The following SLC39A11 variants were observed in gnomAD, a reference collection of about 807,000 sequenced individuals.
SLC39A11 encodes the protein zinc transporter ZIP11.
A neutral mutation model predicts 36.1 loss-of-function variants in SLC39A11; 33 were observed. The ratio of observed to expected loss-of-function variants is 0.91; its 90% CI spans 0.69 to 1.22. The LOEUF (loss-of-function observed/expected upper bound fraction) is 1.22, where lower values mean the gene tolerates loss of function less well. SLC39A11 is among the 50% of genes most tolerant of loss of function. The pLI, the probability that SLC39A11 is intolerant of heterozygous loss-of-function variation, is 0.00. For synonymous variants in SLC39A11, 166 were observed against 170.3 expected, an observed-to-expected ratio of 0.97 and a Z score of 0.20; for missense variants, 432 against 430.3, an observed-to-expected ratio of 1.00 and a Z score of -0.03.
chr17:73,080,309 A>C (rs759962794), intron 3 of SLC39A11, among the ~76,000 whole-genome samples: 5 of 152,212 alleles, frequency 3.3e-5, no homozygotes, highest in Admixed American at 6.5e-5. Flanking sequence ...ATGGAATAGA[A>C]TAGAGAACCC....
intron 7 of SLC39A11, among the ~76,000 whole-genome samples, chr17:72,670,703 G>A (rs1426672192): frequency 6.6e-6 from 1 of 152,160 alleles, no homozygotes; most frequent in Non-Finnish European, 1.5e-5. Context: ...CCTTCAGGAT[G>A]GCTCCCTTGT....
rs531680371 is a variant in SLC39A11 at position 72,932,434 on chromosome 17, C to T, written c.430+15318G>A. ...CATTAGGTATTTCTCCTAATGTTAT[C>T]CCTCCCCTACCCCCCACCCCCCACA... On this transcript the variant is annotated intron_variant, in intron 5 of 9. Transcript: ENST00000255559. Among the ~76,000 whole-genome samples the T allele has an allele frequency of 6.8e-4, 101 of 149,358 alleles. 1 individual carries two copies. Among genetic ancestry groups the T allele is most frequent in the Non-Finnish European group, 9.2e-4 (62 of 67,380 alleles).
intron 7 of SLC39A11, among the ~76,000 whole-genome samples, chr17:72,681,204 G>A (rs993472539): frequency 1.3e-5 from 2 of 152,166 alleles, no homozygotes; most frequent in African/African-American, 4.8e-5. Context: ...TGGGATTACA[G>A]GTGTGAGCCA....
chr17:72,961,820 T>C (rs1456985798), intron 4 of SLC39A11, among the ~76,000 whole-genome samples: 2 of 152,168 alleles, frequency 1.3e-5, no homozygotes, highest in Non-Finnish European at 2.9e-5. Flanking sequence ...CAAACCACCA[T>C]GGCACATGTA....
At chr17:72,788,830 A>G (rs2076602281) in intron 6 of SLC39A11, among the ~76,000 whole-genome samples, 1 of 152,222 alleles carries the variant, frequency 6.6e-6, no homozygotes, top group Admixed American at 6.5e-5. Flanking sequence ...GTCAGTGGAG[A>G]GTATGAGGCA....
intron 4 of SLC39A11, among the ~76,000 whole-genome samples, chr17:72,959,364 T>TATATATAC: frequency 7.2e-6 from 1 of 138,986 alleles, no homozygotes; most frequent in African/African-American, 2.6e-5. Context: ...TATATATATA[T>TATATATAC]ATGATCGAAT....
intron 4 of SLC39A11, among the ~76,000 whole-genome samples, chr17:72,985,116 C>T (rs1313032229): frequency 1.3e-5 from 2 of 152,198 alleles, no homozygotes; most frequent in South Asian, 2.1e-4. Flanking sequence ...GGAATGTGCA[C>T]ACTCCACGTG....
At chr17:72,684,144 C>T (rs1227873235) in intron 7 of SLC39A11, among the ~76,000 whole-genome samples, 17 of 152,144 alleles carry the variant, frequency 1.1e-4, no homozygotes, top group African/African-American at 1.2e-4. Flanking sequence ...TAGCAGTTTA[C>T]GATGATTATC....
intron 7 of SLC39A11, among the ~76,000 whole-genome samples, chr17:72,716,895 G>T (rs55693220): frequency 6.6e-6 from 1 of 150,952 alleles, no homozygotes; most frequent in Non-Finnish European, 1.5e-5. Context: ...CTTGAACTCA[G>T]GGGGTGGAGG....
intron 5 of SLC39A11, among the ~76,000 whole-genome samples, chr17:72,906,723 C>T (rs921434439): frequency 2.0e-5 from 3 of 152,184 alleles, no homozygotes; most frequent in South Asian, 2.1e-4. Context: ...TAAACAAATC[C>T]GATTAAAGGC....
At chr17:73,074,440 T>A (rs185937719) in intron 3 of SLC39A11, among the ~76,000 whole-genome samples, 107 of 151,612 alleles carry the variant, frequency 7.1e-4, no homozygotes, top group African/African-American at 2.5e-3. Context: ...TGGGATTAAA[T>A]GCGCCCACCA....
At chr17:72,777,028 G>T (rs1041172943) in intron 6 of SLC39A11, among the ~76,000 whole-genome samples, 2 of 152,154 alleles carry the variant, frequency 1.3e-5, no homozygotes, top group Non-Finnish European at 2.9e-5. Flanking sequence ...GGGCCGTGAG[G>T]ATTGGCTGAG....
At chr17:72,771,264 T>C (rs532423510) in intron 6 of SLC39A11, among the ~76,000 whole-genome samples, 16 of 150,548 alleles carry the variant, frequency 1.1e-4, no homozygotes, top group Non-Finnish European at 2.4e-4. Flanking sequence ...ATGCCTGTAA[T>C]CCCAGCTACT....
chr17:72,998,456 A>G (rs922910448), intron 4 of SLC39A11, among the ~76,000 whole-genome samples: 1 of 152,008 alleles, frequency 6.6e-6, no homozygotes, highest in African/African-American at 2.4e-5. Context: ...GCCTATGCTC[A>G]CCTCCATTAT....
At chr17:72,868,422 G>A (rs2080419803) in intron 5 of SLC39A11, among the ~76,000 whole-genome samples, 1 of 151,976 alleles carries the variant, frequency 6.6e-6, no homozygotes, top group African/African-American at 2.4e-5. Flanking sequence ...GCTAACTTAA[G>A]AACATAGATG....
Position 72,694,711 on chromosome 17 carries a change from G to A in SLC39A11, c.671+41939C>T, listed in dbSNP as rs568617458. Among the ~76,000 whole-genome samples the A allele has an allele frequency of 1.6e-4, 25 of 152,320 alleles. No individual in the cohort carries two copies. In the South Asian group the frequency reaches 2.1e-3, roughly 13 times the overall value. ...GGGTGGGGTGGTCCCCTCAGGGTCC[G>A]TCTACCACAATCCAAAATAGCATTT... On this transcript the variant is annotated intron_variant, in intron 7 of 9. Coordinates refer to ENST00000255559, the MANE Select transcript of SLC39A11 (RefSeq NM_139177.4).
chr17:72,982,188 T>C (rs2088375362), intron 4 of SLC39A11, among the ~76,000 whole-genome samples: 1 of 152,130 alleles, frequency 6.6e-6, no homozygotes, highest in African/African-American at 2.4e-5. Context: ...GGATGGGGTA[T>C]GGATAAAGAC....
At chr17:72,704,829 C>T (rs1263201676) in intron 7 of SLC39A11, among the ~76,000 whole-genome samples, 1 of 152,188 alleles carries the variant, frequency 6.6e-6, no homozygotes, top group Admixed American at 6.5e-5. Flanking sequence ...TCTCTCTAGC[C>T]ACAGTGATTG....
chr17:72,838,815 C>T (rs1248052734), intron 6 of SLC39A11, among the ~76,000 whole-genome samples: 1 of 152,150 alleles, frequency 6.6e-6, no homozygotes, highest in Non-Finnish European at 1.5e-5. Flanking sequence ...CCACAAACGT[C>T]TGTCACTGTG....
Sources: allele counts gnomAD v4.1 joint callset (sites outside exome capture counted in the v4.1 genomes callset), GRCh38; gene constraint gnomAD v4.1.1; transcripts MANE v1.5; gene names NCBI Gene and HGNC (gene_info 2026-07-23, HGNC 2026-07-21).